PRKN: variants seen among roughly 807,000 people sequenced by gnomAD.
PRKN encodes E3 ubiquitin-protein ligase parkin.
PRKN carries 56 observed loss-of-function variants against 59.5 expected under a neutral mutation model. That is an observed-to-expected ratio of 0.94 (90% CI 0.76 to 1.18). The LOEUF is 1.18. Among genes scored for constraint, PRKN ranks in the 50% most tolerant of loss-of-function variants. The pLI is 0.00. For synonymous variants in PRKN, 250 were observed against 222.1 expected, an observed-to-expected ratio of 1.13 and a Z score of -1.12; for missense variants, 657 against 596.4, an observed-to-expected ratio of 1.10 and a Z score of -1.06.
chr6:161,895,553 G>A (rs1316073585), intron 6 of PRKN, among the ~76,000 whole-genome samples: 3 of 109,892 alleles, frequency 2.7e-5, no homozygotes, highest in African/African-American at 1.0e-4. Context: ...TCAGGAGCAC[G>A]CCCACCCCAC....
At chr6:161,517,676 C>A (rs922232695) in intron 9 of PRKN, among the ~76,000 whole-genome samples, 1 of 132,386 alleles carries the variant, frequency 7.6e-6, no homozygotes, top group African/African-American at 2.8e-5. Flanking sequence ...GAAGGCGGAG[C>A]TTGCAGTGAG....
In PRKN at chr6:161,488,190, T is replaced by A. The variant is rs1777405106; in HGVS notation, c.1083+60664A>T. On this transcript the variant is annotated intron_variant, in intron 9 of 11. Transcript: ENST00000366898. This position sits in a 1 kb window ranked among gnomAD's most constrained non-coding sequence, Gnocchi z 4.5. The stretch of plus-strand genomic sequence containing the variant: ...GAATGGAGGCAGCCATGCAAAAAGC[T>A]GAAGGAAGGTCCTCCAGGAAGGGAG... Among the ~76,000 whole-genome samples, 1 of 152,088 alleles carries A rather than the reference T, an allele frequency of 6.6e-6. No individual in the cohort carries two copies. Among genetic ancestry groups the A allele is most frequent in the South Asian group, 2.1e-4 (1 of 4,822 alleles).
chr6:161,360,248 T>G lies in PRKN; in HGVS notation c.1168-43A>C. ...AAAGGCGTTTAATCTCAGCTTTCTATTACTGGGATCAGAGTTTATGTTCCC... is the reference window on the plus strand; with the variant it reads ...AAAGGCGTTTAATCTCAGCTTTCTAGTACTGGGATCAGAGTTTATGTTCCC... On this transcript the variant is annotated intron_variant, in intron 10 of 11. Coordinates refer to ENST00000366898, the MANE Select transcript of PRKN (RefSeq NM_004562.3). The surrounding 1 kb of genome is among the most constrained non-coding windows in gnomAD (Gnocchi z 5.1). 1 of 1,432,858 alleles carries G rather than the reference T, an allele frequency of 7.0e-7. No homozygotes were observed. Among genetic ancestry groups the G allele is most frequent in the Non-Finnish European group, 9.9e-7 (1 of 1,013,970 alleles). 88.8% of individuals were successfully genotyped at this position (1,432,858 alleles called of 1,614,324 possible). A position where few individuals can be genotyped will look rare whatever the true frequency, so the allele number is the denominator to read the frequency against.
chr6:161,514,335 GAAAC>G (rs1778508543), intron 9 of PRKN, among the ~76,000 whole-genome samples: 1 of 152,116 alleles, frequency 6.6e-6, no homozygotes, highest in Non-Finnish European at 1.5e-5. Flanking sequence ...ATGATCTTGA[GAAAC>G]AAACCGGGTC....
In PRKN at chr6:161,511,903, C is replaced by T. The variant is rs554154384; in HGVS notation, c.1083+36951G>A. ...ATCTCACTTTAGCGGAGACAGCTCC[C>T]GCAGTTCCATTCATTACGATCCGCG... On this transcript the variant is annotated intron_variant, in intron 9 of 11. Transcript: ENST00000366898. Among the ~76,000 whole-genome samples the T allele has an allele frequency of 3.2e-4, 49 of 152,306 alleles. 1 individual carries two copies. The South Asian group carries it at 5.0e-3, about 15-fold the overall frequency.
intron 9 of PRKN, among the ~76,000 whole-genome samples, chr6:161,482,896 G>A (rs1241983141): frequency 6.6e-6 from 1 of 152,144 alleles, no homozygotes; most frequent in Non-Finnish European, 1.5e-5. Flanking sequence ...AGCACTTTAA[G>A]TATTTTAGCT....
intron 9 of PRKN, among the ~76,000 whole-genome samples, chr6:161,528,447 C>T (rs576813281): frequency 6.6e-6 from 1 of 152,216 alleles, no homozygotes; most frequent in African/African-American, 2.4e-5. Flanking sequence ...TAATATCCAC[C>T]AGCACCCCAG....
chr6:162,569,792 C>G (rs1780239270), intron 1 of PRKN: 1 of 481,668 alleles, frequency 2.1e-6, no homozygotes, highest in Non-Finnish European at 3.8e-6. Flanking sequence ...GGGAGGGAGG[C>G]TGCTGTGCAG....
intron 6 of PRKN, among the ~76,000 whole-genome samples, chr6:161,910,618 G>A (rs981840835): frequency 6.6e-6 from 1 of 152,180 alleles, no homozygotes; most frequent in African/African-American, 2.4e-5. Flanking sequence ...GGTTTGAGAG[G>A]AATGACTCCA....
chr6:161,598,068 G>C (rs769789737), intron 7 of PRKN, among the ~76,000 whole-genome samples: 125 of 152,212 alleles, frequency 8.2e-4, no homozygotes, highest in Non-Finnish European at 1.3e-3. Flanking sequence ...TAAATCTCTT[G>C]AGGAAAATAA....
At chr6:162,060,212 A>T (rs1582972145) in intron 4 of PRKN, among the ~76,000 whole-genome samples, 1 of 152,236 alleles carries the variant, frequency 6.6e-6, no homozygotes, top group Admixed American at 6.5e-5. Context: ...TTGTATGAGT[A>T]GGTATGTCCT....
intron 1 of PRKN, among the ~76,000 whole-genome samples, chr6:162,636,768 T>G (rs1777729101): frequency 6.6e-6 from 1 of 151,616 alleles, no homozygotes; most frequent in South Asian, 2.1e-4. Context: ...AAGGATCCCT[T>G]GAGTCCAGGA....
chr6:161,486,177 C>T (rs533297198), intron 9 of PRKN, among the ~76,000 whole-genome samples: 6 of 152,024 alleles, frequency 3.9e-5, no homozygotes, highest in Non-Finnish European at 8.8e-5. Flanking sequence ...TTCGTTCTTT[C>T]TATATTTCAT....
At chr6:161,568,140 T>C (rs1421625724) in intron 8 of PRKN, among the ~76,000 whole-genome samples, 1 of 152,228 alleles carries the variant, frequency 6.6e-6, no homozygotes, top group East Asian at 1.9e-4. Flanking sequence ...AATCCTTTTG[T>C]TTTTATTCTC....
rs2115025168 is a variant in PRKN, at chr6:161,419,866, G to A, written c.1084-32989C>T. ...AAGGGGGAAATTGGTACCTACTTGTGGGATTGCTGTAGAGATTCAAATACC... is the reference window on the plus strand; with the variant it reads ...AAGGGGGAAATTGGTACCTACTTGTAGGATTGCTGTAGAGATTCAAATACC... On this transcript the variant is annotated intron_variant, in intron 9 of 11. Transcript: ENST00000366898. This position sits in a 1 kb window ranked among gnomAD's most constrained non-coding sequence, Gnocchi z 4.1. 6.6e-6 allele frequency among the ~76,000 whole-genome samples: 1 copy of A among 151,952 alleles called. No individual in the cohort carries two copies. Among genetic ancestry groups the A allele is most frequent in the East Asian group, 1.9e-4 (1 of 5,138 alleles).
chr6:162,705,448 A>G (rs1778305515), intron 1 of PRKN, among the ~76,000 whole-genome samples: 1 of 152,154 alleles, frequency 6.6e-6, no homozygotes, highest in Admixed American at 6.5e-5. Flanking sequence ...TTCTGTGAGA[A>G]TACAAGTTCT....
At chr6:161,408,855 G>A (rs1430046186) in intron 9 of PRKN, among the ~76,000 whole-genome samples, 1 of 152,100 alleles carries the variant, frequency 6.6e-6, no homozygotes, top group East Asian at 1.9e-4. Context: ...AAAATGAGGT[G>A]GACTTTGCCC....
intron 7 of PRKN, among the ~76,000 whole-genome samples, chr6:161,628,818 C>T (rs889342278): frequency 6.6e-6 from 1 of 152,114 alleles, no homozygotes; most frequent in Non-Finnish European, 1.5e-5. Flanking sequence ...TGTAGAGGCG[C>T]GTAATAGGCA....
At chr6:162,484,675 C>T (rs1004941718) in intron 1 of PRKN, among the ~76,000 whole-genome samples, 9 of 152,168 alleles carry the variant, frequency 5.9e-5, no homozygotes, top group African/African-American at 1.7e-4. Context: ...ATCAACAGTG[C>T]TTTTAATTTG....
Sources: gnomAD v4.1 joint callset for allele counts (sites outside exome capture counted in the v4.1 genomes callset) on GRCh38, gnomAD v4.1.1 for gene constraint, Gnocchi (gnomAD v3.1) non-coding constraint, MANE v1.5 for transcripts, NCBI Gene and HGNC (gene_info 2026-07-23, HGNC 2026-07-21) for gene names.